ARHGAP42: variants seen among roughly 807,000 people sequenced by gnomAD.
ARHGAP42 encodes rho GTPase-activating protein 42.
In ARHGAP42, 63 loss-of-function variants were observed where a neutral mutation model predicts 125.0. The ratio of observed to expected loss-of-function variants is 0.50; its 90% CI spans 0.41 to 0.62. The LOEUF (loss-of-function observed/expected upper bound fraction) is 0.62, where lower values mean the gene tolerates loss of function less well. ARHGAP42 is among the 20% of genes least tolerant of loss of function. ARHGAP42 has a pLI of 0.00. For missense variants in ARHGAP42, 766 were observed against 1,024.2 expected, an observed-to-expected ratio of 0.75 and a Z score of 3.44; for synonymous variants, 339 against 351.0, an observed-to-expected ratio of 0.97 and a Z score of 0.38.
At chr11:100,893,158 G>GTGTGTGTGTGTGTGT (rs1555018919) in intron 4 of ARHGAP42, among the ~76,000 whole-genome samples, 1 of 146,988 alleles carries the variant, frequency 6.8e-6, no homozygotes, top group East Asian at 2.1e-4. Context: ...AACATTTAGG[G>GTGTGTGTGTGTGTGT]GTGTGTGTGT....
intron 4 of ARHGAP42, among the ~76,000 whole-genome samples, chr11:100,903,811 T>G (rs1304950889): frequency 2.1e-5 from 3 of 143,094 alleles, no homozygotes; most frequent in African/African-American, 7.8e-5. Context: ...GGTCCCACAA[T>G]AGGCTGTCTG....
chr11:100,719,338 G>T (rs970041422), intron 1 of ARHGAP42, among the ~76,000 whole-genome samples: 4 of 152,206 alleles, frequency 2.6e-5, no homozygotes, highest in African/African-American at 9.6e-5. Flanking sequence ...ACAGGAGGAT[G>T]TATCTACTTT....
At chr11:100,987,993 T>C (rs1324746666) in intron 23 of ARHGAP42, among the ~76,000 whole-genome samples, 1 of 151,976 alleles carries the variant, frequency 6.6e-6, no homozygotes, top group Non-Finnish European at 1.5e-5. Context: ...CCGGGCATGG[T>C]GGTGTGCACC....
intron 3 of ARHGAP42, among the ~76,000 whole-genome samples, chr11:100,834,376 C>T (rs1375351162): frequency 6.6e-6 from 1 of 152,026 alleles, no homozygotes; most frequent in Non-Finnish European, 1.5e-5. Flanking sequence ...CTTAGTCTAC[C>T]TATGTCCTTT....
intron 17 of ARHGAP42, among the ~76,000 whole-genome samples, chr11:100,967,222 T>G (rs1858118499): frequency 6.6e-6 from 1 of 152,228 alleles, no homozygotes; most frequent in Admixed American, 6.5e-5. Flanking sequence ...GATTCCAAAT[T>G]TCCATTAATT....
intron 22 of ARHGAP42, chr11:100,986,199 T>C (rs1858674580): frequency 2.4e-6 from 1 of 422,056 alleles, no homozygotes; most frequent in Admixed American, 2.6e-5. Context: ...CCATGCAGAC[T>C]TGAAGCAGGA....
At chr11:100,972,686 C>T (rs183273255) in intron 17 of ARHGAP42, among the ~76,000 whole-genome samples, 14 of 152,278 alleles carry the variant, frequency 9.2e-5, no homozygotes, top group Admixed American at 3.9e-4. Context: ...TCAAAATACA[C>T]GTTTCTTTAG....
chr11:100,986,044 A>C, intron 22 of ARHGAP42: 1 of 456,686 alleles, frequency 2.2e-6, no homozygotes, highest in Non-Finnish European at 4.4e-6. Flanking sequence ...AACCCAGAAC[A>C]TCTTTCCTTT....
In ARHGAP42 at chr11:100,747,188, G is replaced by C. The variant is rs555741549; in HGVS notation, c.155-23155G>C. On this transcript the variant is annotated intron_variant, in intron 1 of 23. Transcript: ENST00000298815. Reference sequence around the variant, plus strand: ...ATAATTTCTAAGAAATTGATCCTTTGTTTTAAATGTGGGGACATCAAGAGT... The same window carrying C: ...ATAATTTCTAAGAAATTGATCCTTTCTTTTAAATGTGGGGACATCAAGAGT... Among the ~76,000 whole-genome samples the C allele has an allele frequency of 9.2e-5, 14 of 152,304 alleles. No individual in the cohort carries two copies. In the South Asian group the frequency reaches 2.7e-3, roughly 29 times the overall value.
intron 1 of ARHGAP42, among the ~76,000 whole-genome samples, chr11:100,699,865 G>T (rs1861368096): frequency 6.6e-6 from 1 of 151,946 alleles, no homozygotes; most frequent in Non-Finnish European, 1.5e-5. Context: ...AAATAAAAGT[G>T]CCAGCAGTGC....
intron 22 of ARHGAP42, among the ~76,000 whole-genome samples, chr11:100,983,417 A>G (rs1858593950): frequency 2.0e-5 from 3 of 152,164 alleles, no homozygotes; most frequent in South Asian, 2.1e-4. Context: ...CAGAGCAATG[A>G]TATCTTAGGC....
chr11:100,886,578 A>G (rs1384270123), intron 4 of ARHGAP42, among the ~76,000 whole-genome samples: 2 of 152,246 alleles, frequency 1.3e-5, no homozygotes, highest in Admixed American at 6.5e-5. Context: ...CATCACAAAG[A>G]ATTAGCTTTT....
At chr11:100,730,613 C>T (rs1439505112) in intron 1 of ARHGAP42, among the ~76,000 whole-genome samples, 1 of 152,106 alleles carries the variant, frequency 6.6e-6, no homozygotes, top group African/African-American at 2.4e-5. Flanking sequence ...TGATACAAGC[C>T]ATGTCTAAGA....
At chr11:100,728,199 T>A (rs1478122902) in intron 1 of ARHGAP42, among the ~76,000 whole-genome samples, 1 of 152,166 alleles carries the variant, frequency 6.6e-6, no homozygotes, top group Non-Finnish European at 1.5e-5. Flanking sequence ...CTGAAACCTC[T>A]CAACAGCAAG....
At chr11:100,787,734 A>G (rs1278779896) in intron 2 of ARHGAP42, among the ~76,000 whole-genome samples, 2 of 152,130 alleles carry the variant, frequency 1.3e-5, no homozygotes, top group African/African-American at 4.8e-5. Flanking sequence ...GTGAGAATTT[A>G]AAAGGAGGCT....
At chr11:100,830,477 C>A (rs599925) in intron 3 of ARHGAP42, among the ~76,000 whole-genome samples, 79,030 of 151,802 alleles carry the variant, frequency 0.52, 21,147 homozygotes, top group South Asian at 0.64. Context: ...ACTGTGGAGC[C>A]GCAGCGTCAG....
At chr11:100,738,312 A>T (rs957097775) in intron 1 of ARHGAP42, 3 of 152,170 alleles carry the variant, frequency 2.0e-5, no homozygotes, top group African/African-American at 7.2e-5. Flanking sequence ...TTAAATGTGG[A>T]TTGAGAGTTC....
At chr11:100,905,696 A>G (rs1025794960) in intron 4 of ARHGAP42, among the ~76,000 whole-genome samples, 3 of 152,068 alleles carry the variant, frequency 2.0e-5, no homozygotes, top group Non-Finnish European at 4.4e-5. Context: ...CAAATCTTGG[A>G]CCGGACACAG....
chr11:100,762,062 A>G (rs1658664863), intron 1 of ARHGAP42, among the ~76,000 whole-genome samples: 1 of 152,200 alleles, frequency 6.6e-6, no homozygotes, highest in Non-Finnish European at 1.5e-5. Context: ...GATTGTTTCT[A>G]ATCAAAGGAC....
Sources: gnomAD v4.1 joint callset for allele counts (sites outside exome capture counted in the v4.1 genomes callset) on GRCh38, gnomAD v4.1.1 for gene constraint, MANE v1.5 for transcripts, NCBI Gene and HGNC (gene_info 2026-07-23, HGNC 2026-07-21) for gene names.